The following NUP210 variants were observed in gnomAD, a reference collection of about 807,000 sequenced individuals.
NUP210 encodes the protein nucleoporin 210.
Under a neutral mutation model 196.0 loss-of-function variants are expected in NUP210, and 151 were observed. The observed-to-expected ratio is 0.77, with a 90% CI of 0.67 to 0.88. The LOEUF (loss-of-function observed/expected upper bound fraction) is 0.88. Among genes scored for constraint, NUP210 ranks in the 40% least tolerant of loss-of-function variants. NUP210 has a pLI of 0.00. For missense variants in NUP210, 2,314 were observed against 2,493.7 expected (o/e 0.93, Z 1.53); for synonymous variants, 1,070 against 1,052.7 (o/e 1.02, Z -0.32).
intron 1 of NUP210, among the ~76,000 whole-genome samples, chr3:13,413,405 G>A (rs1357660982): frequency 2.6e-5 from 4 of 151,920 alleles, no homozygotes; most frequent in African/African-American, 9.7e-5. Context: ...GGGAGGCGGA[G>A]CTTGCAGTGA....
Position 13,321,639 on chromosome 3 carries a change from G to A in NUP210, c.5112C>T (p.Tyr1704=). The A allele has an allele frequency of 5.0e-6, 8 of 1,614,128 alleles. 1 individual carries two copies. The highest frequency in any genetic ancestry group is 6.8e-6 in the Non-Finnish European group (8 of 1,180,028). ...CAAAGACCCTGATCTCGGAACTGGT[G>A]TAGTGGTTGCTCAAAAGGATTTCAG... The part of the protein sequence containing the change: ...DQAEILLSNH[Y]TSSEIRVFGA... The change falls in exon 36 of 40, where the codon TAC becomes TAT. Residue 1704 remains tyrosine, a synonymous_variant. Transcript: ENST00000254508.
At chr3:13,401,706 G>A (rs1008807202) in intron 1 of NUP210, among the ~76,000 whole-genome samples, 9 of 152,058 alleles carry the variant, frequency 5.9e-5, no homozygotes, top group Admixed American at 1.3e-4. Context: ...GGTGTTTTTC[G>A]AGGGGCTTTA....
chr3:13,417,147 G>A (rs1402276073), intron 1 of NUP210, among the ~76,000 whole-genome samples: 4 of 152,136 alleles, frequency 2.6e-5, no homozygotes, highest in South Asian at 2.1e-4. Flanking sequence ...GTCTAATGGC[G>A]TGGGACAGGG....
rs1464322666 is a variant in NUP210, at chr3:13,317,663, C to T, written c.*18G>A. 13 of 1,571,114 alleles carry T rather than the reference C, an allele frequency of 8.3e-6. No homozygotes were observed. Among genetic ancestry groups the T allele is most frequent in the Middle Eastern group, 1.7e-4 (1 of 5,964 alleles). Reference sequence around the variant, plus strand: ...CGAGGCTCGGCTGAGACCCATCCTCCGGGAACCTTCACGCGGCCTAGTGGG... The same window carrying T: ...CGAGGCTCGGCTGAGACCCATCCTCTGGGAACCTTCACGCGGCCTAGTGGG... On this transcript the variant is annotated 3_prime_UTR_variant, in exon 40 of 40. Coordinates refer to ENST00000254508, the MANE Select transcript of NUP210 (RefSeq NM_024923.4).
At chr3:13,345,079 G>C in intron 20 of NUP210, 3 of 985,424 alleles carry the variant, frequency 3.0e-6, no homozygotes, top group Non-Finnish European at 3.6e-6. Flanking sequence ...CCAGCATCTG[G>C]TACAGCCTAG....
intron 14 of NUP210, among the ~76,000 whole-genome samples, chr3:13,365,528 C>G (rs943882380): frequency 1.3e-5 from 2 of 152,250 alleles, no homozygotes; most frequent in African/African-American, 2.4e-5. Flanking sequence ...GCCTCAGCAT[C>G]TGCCATACCA....
At chr3:13,322,418 G>T in intron 34 of NUP210, 79 bp from the exon 35 acceptor site, 1 of 1,526,752 alleles carries the variant, frequency 6.5e-7, no homozygotes. Context: ...TGCACAGGCT[G>T]GCTGGGCTGC....
At chr3:13,378,318 G>A (rs1374805866) in intron 8 of NUP210, among the ~76,000 whole-genome samples, 2 of 152,180 alleles carry the variant, frequency 1.3e-5, no homozygotes, top group Non-Finnish European at 2.9e-5. Flanking sequence ...TGCCATATGA[G>A]TCATCCCTGC....
At position 13,373,740 on chromosome 3, in the gene NUP210, G is replaced by A. The variant is rs1238371963; in HGVS notation, c.1565C>T (p.Pro522Leu). 2 of 1,614,138 alleles carry A rather than the reference G, an allele frequency of 1.2e-6. No homozygotes were observed. The highest frequency in any genetic ancestry group is 1.7e-6 in the Non-Finnish European group (2 of 1,180,006). ...SVIQAHDVQNPLHFGEMKVYV... is the reference protein window; with the variant it reads ...SVIQAHDVQNLLHFGEMKVYV... The stretch of plus-strand genomic sequence containing the variant: ...CACCTTCATCTCACCGAAATGGAGT[G>A]GGTTCTGCACATCATGTGCCTGGAT... Residue 522 changes from proline (P) to leucine (L), a missense_variant, in exon 12 of 40, where the codon CCA becomes CTA. By Grantham distance (98) the Pro-to-Leu change is moderately conservative (BLOSUM62 -3). Coordinates refer to ENST00000254508, the MANE Select transcript of NUP210 (RefSeq NM_024923.4).
intron 14 of NUP210, among the ~76,000 whole-genome samples, chr3:13,365,394 T>C (rs1261703387): frequency 6.6e-6 from 1 of 151,424 alleles, no homozygotes; most frequent in Non-Finnish European, 1.5e-5. Context: ...CTCAGGAGGG[T>C]GGTATGGACA....
intron 1 of NUP210, among the ~76,000 whole-genome samples, chr3:13,409,722 T>G (rs907944113): frequency 2.6e-5 from 4 of 151,680 alleles, no homozygotes; most frequent in Non-Finnish European, 4.4e-5. Context: ...GTACACGGAG[T>G]TCAAAACAAG....
At chr3:13,376,717 G>C (rs912812506) in intron 9 of NUP210, among the ~76,000 whole-genome samples, 10 of 152,108 alleles carry the variant, frequency 6.6e-5, no homozygotes, top group African/African-American at 2.4e-4. Flanking sequence ...GGAGCCTACC[G>C]AGGTCTCAAG....
intron 9 of NUP210, 37 bp from the exon 10 acceptor site, chr3:13,376,468 GGGGTGACTCCAGAAAGTCA>G (rs758935276): frequency 1.4e-4 from 223 of 1,611,784 alleles, no homozygotes; most frequent in Non-Finnish European, 1.7e-4. Context: ...AGGTGCTTCT[GGGGTGACTCCAGAAAGTCA>G]GAATTTGGGC....
In NUP210 at chr3:13,341,984, A is replaced by G. The variant is rs766038827; in HGVS notation, c.3092+12T>C. On this transcript the variant is annotated intron_variant, in intron 22 of 39. Transcript: ENST00000254508. ...TCTGAGGTGCCCTCCTCTGACCCCTAGGAGAACTCACACCAATGTAATGAT... is the reference window on the plus strand; with the variant it reads ...TCTGAGGTGCCCTCCTCTGACCCCTGGGAGAACTCACACCAATGTAATGAT... 3 of 1,613,972 alleles carry G rather than the reference A, an allele frequency of 1.9e-6. No homozygotes were observed. The Admixed American group carries it at 5.0e-5, about 27-fold the overall frequency.
Position 13,340,251 on chromosome 3 carries a change from G to C in NUP210, c.3276C>G (p.Ile1092Met). 2 of 1,613,426 alleles carry C rather than the reference G, an allele frequency of 1.2e-6. No homozygotes were observed. The highest frequency in any genetic ancestry group is 1.7e-6 in the Non-Finnish European group (2 of 1,180,000). Reference sequence around the variant, plus strand: ...TGGCTCTCACCTGCATCGTGGCCCCGATAAGCAGTGTCACCTTCCTGGGCA... The same window carrying C: ...TGGCTCTCACCTGCATCGTGGCCCCCATAAGCAGTGTCACCTTCCTGGGCA... Reference protein sequence around the residue: ...RLMPRKVTLLIGATMQVTSEG... With the variant: ...RLMPRKVTLLMGATMQVTSEG... The change falls in exon 24 of 40, where the codon ATC becomes ATG. Residue 1092 changes from isoleucine (I) to methionine (M), a missense_variant. Physicochemically the swap from Ile to Met is conservative, Grantham distance 10. Coordinates refer to ENST00000254508, the MANE Select transcript of NUP210 (RefSeq NM_024923.4). This position sits in a 1 kb window ranked among gnomAD's most constrained non-coding sequence, Gnocchi z 4.0.
At chr3:13,373,665 C>T in intron 12 of NUP210, 53 bp downstream of exon 12, 2 of 1,590,670 alleles carry the variant, frequency 1.3e-6, no homozygotes. Context: ...GAGGGGGCGG[C>T]TGGAGACCAC....
intron 30 of NUP210, 91 bp downstream of exon 30, chr3:13,330,369 A>G: frequency 3.3e-6 from 4 of 1,227,942 alleles, no homozygotes; most frequent in Non-Finnish European, 4.6e-6. Context: ...CTTAGCTGGA[A>G]GGTGAACGTA....
chr3:13,348,560 TA>T lies in NUP210; in HGVS notation c.2835+3318del. 4.1e-6 allele frequency: 4 copies of T among 985,404 alleles called. No individual in the cohort carries two copies. The highest frequency in any genetic ancestry group is 4.8e-6 in the Non-Finnish European group (4 of 829,916). The allele number at this position is 985,404 out of a possible 1,614,324, so 61.0% of individuals were successfully genotyped here. ...AAGGCATATGTCAAGCAGTCAGAAT[TA>T]AGATGTAAGATTCTCTTCACTCGCA... On this transcript the variant is annotated intron_variant, in intron 20 of 39. Transcript: ENST00000254508. The surrounding 1 kb of genome is among the most constrained non-coding windows in gnomAD (Gnocchi z 4.0).
chr3:13,389,599 G>A (rs909034143), intron 4 of NUP210, among the ~76,000 whole-genome samples: 2 of 152,166 alleles, frequency 1.3e-5, no homozygotes, highest in Non-Finnish European at 2.9e-5. Context: ...GGTCCAGCAG[G>A]CTGTCTCCAC....
Sources: gnomAD v4.1 joint callset for allele counts (sites outside exome capture counted in the v4.1 genomes callset) on GRCh38, gnomAD v4.1.1 for gene constraint, Gnocchi (gnomAD v3.1) non-coding constraint, MANE v1.5 for transcripts, NCBI Gene and HGNC (gene_info 2026-07-23, HGNC 2026-07-21) for gene names.